The following GALNT18 variants were observed in gnomAD, a reference collection of about 807,000 sequenced individuals.
The protein encoded by GALNT18 is polypeptide N-acetylgalactosaminyltransferase 18.
A neutral mutation model predicts 69.5 loss-of-function variants in GALNT18; 44 were observed. The ratio of observed to expected loss-of-function variants is 0.63; its 90% CI spans 0.50 to 0.81. The LOEUF is 0.81. Ranked by LOEUF, GALNT18 falls within the 40% of genes least tolerant of loss-of-function variation. The pLI is 0.00. For missense variants in GALNT18, 715 were observed against 810.0 expected (o/e 0.88, Z 1.42); for synonymous variants, 364 against 318.2 (o/e 1.14, Z -1.53).
At position 11,382,758 on chromosome 11, in the gene GALNT18, TTTAA is replaced by T. The variant is rs1853950649; in HGVS notation, c.596-3498_596-3495del. 6.6e-6 allele frequency among the ~76,000 whole-genome samples: 1 copy of T among 152,228 alleles called. No individual in the cohort carries two copies. The highest frequency in any genetic ancestry group is 1.5e-5 in the Non-Finnish European group (1 of 68,048). On this transcript the variant is annotated intron_variant, in intron 3 of 10. Transcript: ENST00000227756. This position sits in a 1 kb window ranked among gnomAD's most constrained non-coding sequence, Gnocchi z 4.3. ...CCTTTTATTCCCTATGCAAGCTATCTTTAATTAATTTTTTGAAATTTCTATAAAT... is the reference window on the plus strand; with the variant it reads ...CCTTTTATTCCCTATGCAAGCTATCTTTAATTTTTTGAAATTTCTATAAAT...
Position 11,389,553 on chromosome 11 carries a change from C to T in GALNT18, c.596-10289G>A, listed in dbSNP as rs1164894584. ...CTCCTGCTACTCTGAGGAGGGTATG[C>T]AGCAGGAATCACAGGACTTACTAAA... On this transcript the variant is annotated intron_variant, in intron 3 of 10. Transcript: ENST00000227756. This position sits in a 1 kb window ranked among gnomAD's most constrained non-coding sequence, Gnocchi z 4.3. 6.6e-6 allele frequency among the ~76,000 whole-genome samples: 1 copy of T among 152,164 alleles called. No homozygotes were observed. The highest frequency in any genetic ancestry group is 1.5e-5 in the Non-Finnish European group (1 of 68,032).
At position 11,606,492 on chromosome 11, in the gene GALNT18, A is replaced by G. The variant is rs1386979575; in HGVS notation, c.235+14867T>C. ...TTCTCTCTTTTTTCCTCTCCTTGAC[A>G]TAAAATATCTGCCCCTCCTCTATCC... On this transcript the variant is annotated intron_variant, in intron 1 of 10. Transcript: ENST00000227756. This position sits in a 1 kb window ranked among gnomAD's most constrained non-coding sequence, Gnocchi z 5.4. Among the ~76,000 whole-genome samples, 4 of 152,164 alleles carry G rather than the reference A, an allele frequency of 2.6e-5. No individual in the cohort carries two copies. The highest frequency in any genetic ancestry group is 4.4e-5 in the Non-Finnish European group (3 of 68,024).
At position 11,372,180 on chromosome 11, in the gene GALNT18, G is replaced by T. The variant is rs1042792636; in HGVS notation, c.1092+335C>A. 1.3e-5 allele frequency among the ~76,000 whole-genome samples: 2 copies of T among 152,182 alleles called. No individual in the cohort carries two copies. The highest frequency in any genetic ancestry group is 4.8e-5 in the African/African-American group (2 of 41,420). On this transcript the variant is annotated intron_variant, in intron 6 of 10. Transcript: ENST00000227756. This position sits in a 1 kb window ranked among gnomAD's most constrained non-coding sequence, Gnocchi z 4.9. ...GCTGACTCAGGGTCACTCTTGTCCA[G>T]CCACTCTCGATGCCTGTTATTGCTT... is the stretch of plus-strand genomic sequence containing the variant.
chr11:11,426,347 A>T (rs1038570777), intron 3 of GALNT18, among the ~76,000 whole-genome samples: 2 of 152,128 alleles, frequency 1.3e-5, no homozygotes, highest in South Asian at 2.1e-4. Context: ...GCTCTGGGGG[A>T]GCTGAGGCGG....
intron 10 of GALNT18, among the ~76,000 whole-genome samples, chr11:11,272,140 G>GTA (rs1169773140): frequency 6.6e-6 from 1 of 152,136 alleles, no homozygotes; most frequent in Non-Finnish European, 1.5e-5. Flanking sequence ...TGGCACTTGA[G>GTA]TATATGGTCA....
intron 9 of GALNT18, among the ~76,000 whole-genome samples, chr11:11,298,539 C>T (rs759476591): frequency 1.3e-5 from 2 of 152,234 alleles, no homozygotes; most frequent in Admixed American, 6.5e-5. Flanking sequence ...CGCCCAGTCC[C>T]GAACCTCAGC....
rs1007069865 is a variant in GALNT18 at position 11,387,237 on chromosome 11, C to T, written c.596-7973G>A. Among the ~76,000 whole-genome samples, 2 of 152,168 alleles carry T rather than the reference C, an allele frequency of 1.3e-5. No homozygotes were observed. Among genetic ancestry groups the T allele is most frequent in the African/African-American group, 4.8e-5 (2 of 41,442 alleles). ...GGTCCTTCCCTTTCCAGCTGCTTTT[C>T]GTTTCTCTACTTGGCCATCTTTGGG... is the stretch of plus-strand genomic sequence containing the variant. On this transcript the variant is annotated intron_variant, in intron 3 of 10. Coordinates refer to ENST00000227756, the MANE Select transcript of GALNT18 (RefSeq NM_198516.3). This position sits in a 1 kb window ranked among gnomAD's most constrained non-coding sequence, Gnocchi z 4.6.
chr11:11,503,949 G>A (rs998086555), intron 1 of GALNT18, among the ~76,000 whole-genome samples: 1 of 152,132 alleles, frequency 6.6e-6, no homozygotes, highest in Non-Finnish European at 1.5e-5. Context: ...CCATGATACT[G>A]AATTCTAACA....
chr11:11,554,430 G>A (rs1180191663), intron 1 of GALNT18, among the ~76,000 whole-genome samples: 2 of 151,182 alleles, frequency 1.3e-5, no homozygotes, highest in Non-Finnish European at 2.9e-5. Context: ...CTTTCAGCAT[G>A]TCTTTCATGA....
Position 11,563,293 on chromosome 11 carries a change from A to G in GALNT18, c.235+58066T>C, listed in dbSNP as rs1053814126. On this transcript the variant is annotated intron_variant, in intron 1 of 10. Transcript: ENST00000227756. The surrounding 1 kb of genome is among the most constrained non-coding windows in gnomAD (Gnocchi z 4.6). ...GTTCTCATAGGGCAATTTCAGCTCC[A>G]TCTGCAGTCTTTTCTTTCCGGAAGC... Among the ~76,000 whole-genome samples, 5 of 152,140 alleles carry G rather than the reference A, an allele frequency of 3.3e-5. No homozygotes were observed. The highest frequency in any genetic ancestry group is 1.9e-4 in the East Asian group (1 of 5,174).
At position 11,561,457 on chromosome 11, in the gene GALNT18, T is replaced by C. The variant is rs566715569; in HGVS notation, c.235+59902A>G. Among the ~76,000 whole-genome samples, 8 of 152,294 alleles carry C rather than the reference T, an allele frequency of 5.3e-5. No individual in the cohort carries two copies. The South Asian group carries it at 1.2e-3, about 24-fold the overall frequency. On this transcript the variant is annotated intron_variant, in intron 1 of 10. Transcript: ENST00000227756. ...TGACCTGGGGAAGTCACTTAAGCAT[T>C]GTGACACTCAGTTTCCCAGTCTGCA...
intron 9 of GALNT18, among the ~76,000 whole-genome samples, chr11:11,303,598 C>T (rs1280434206): frequency 1.3e-5 from 2 of 151,970 alleles, no homozygotes; most frequent in African/African-American, 2.4e-5. Context: ...TGGGCCCTAG[C>T]GCAACCTCAG....
chr11:11,431,974 C>T (rs1299439138), intron 3 of GALNT18, among the ~76,000 whole-genome samples: 1 of 152,156 alleles, frequency 6.6e-6, no homozygotes, highest in Non-Finnish European at 1.5e-5. Context: ...AAGAAATGTA[C>T]ACCAGGGAAA....
intron 10 of GALNT18, among the ~76,000 whole-genome samples, chr11:11,292,538 G>A (rs929790201): frequency 3.9e-5 from 6 of 152,208 alleles, no homozygotes; most frequent in African/African-American, 9.6e-5. Context: ...CCAATACTGC[G>A]TGGAAGGCAG....
Position 11,602,371 on chromosome 11 carries a change from A to G in GALNT18, c.235+18988T>C, listed in dbSNP as rs1463598874. On this transcript the variant is annotated intron_variant, in intron 1 of 10. Coordinates refer to ENST00000227756, the MANE Select transcript of GALNT18 (RefSeq NM_198516.3). This position sits in a 1 kb window ranked among gnomAD's most constrained non-coding sequence, Gnocchi z 4.7. Reference sequence around the variant, plus strand: ...CCCAGACCACTCAACCATGCTCTGCAACACAGAGCTGGGAGACATGAGAAA... The same window carrying G: ...CCCAGACCACTCAACCATGCTCTGCGACACAGAGCTGGGAGACATGAGAAA... 6.6e-6 allele frequency among the ~76,000 whole-genome samples: 1 copy of G among 152,156 alleles called. No individual in the cohort carries two copies. Among genetic ancestry groups the G allele is most frequent in the African/African-American group, 2.4e-5 (1 of 41,434 alleles).
At chr11:11,535,194 G>A (rs567967664) in intron 1 of GALNT18, among the ~76,000 whole-genome samples, 1 of 152,346 alleles carries the variant, frequency 6.6e-6, no homozygotes, top group African/African-American at 2.4e-5. Context: ...ACAGCTGCTG[G>A]TGAGGCAGAC....
chr11:11,324,145 T>C (rs1374784642), intron 9 of GALNT18, among the ~76,000 whole-genome samples: 1 of 152,216 alleles, frequency 6.6e-6, no homozygotes, highest in Non-Finnish European at 1.5e-5. Context: ...AGCACTCTGA[T>C]CTTGGGCTTC....
intron 9 of GALNT18, among the ~76,000 whole-genome samples, chr11:11,324,923 C>T (rs539620169): frequency 1.3e-5 from 2 of 152,138 alleles, no homozygotes; most frequent in African/African-American, 4.8e-5. Flanking sequence ...TAAATTAGTA[C>T]AACCACTATG....
In GALNT18 at chr11:11,381,783, C is replaced by T. The variant is rs1307918266; in HGVS notation, c.596-2519G>A. On this transcript the variant is annotated intron_variant, in intron 3 of 10. Transcript: ENST00000227756. ...CCCCAGTCGGGCCACCAGCTGATTG[C>T]AAATGACAGGGAGAGCCATTGTGTA... Among the ~76,000 whole-genome samples the T allele has an allele frequency of 2.0e-5, 3 of 152,290 alleles. No individual in the cohort carries two copies. The East Asian group carries it at 5.8e-4, about 29-fold the overall frequency.
Sources: gnomAD v4.1 joint callset for allele counts (sites outside exome capture counted in the v4.1 genomes callset) on GRCh38, gnomAD v4.1.1 for gene constraint, Gnocchi (gnomAD v3.1) non-coding constraint, MANE v1.5 for transcripts, NCBI Gene and HGNC (gene_info 2026-07-23, HGNC 2026-07-21) for gene names.